CSMD2: variants seen among roughly 807,000 people sequenced by gnomAD.
CSMD2 encodes the protein CUB and sushi domain-containing protein 2.
CSMD2 carries 130 observed loss-of-function variants against 398.5 expected under a neutral mutation model. That is an observed-to-expected ratio of 0.33 (90% CI 0.28 to 0.38). CSMD2 has a LOEUF of 0.38. Ranked by LOEUF, CSMD2 falls within the 10% of genes least tolerant of loss-of-function variation. The pLI, the probability that CSMD2 is intolerant of heterozygous loss-of-function variation, is 1.00. For synonymous variants in CSMD2, 1,828 were observed against 1,908.5 expected (o/e 0.96, Z 1.10); for missense variants, 3,829 against 4,764.9 (o/e 0.80, Z 5.78).
At chr1:33,873,323 TAGGC>T (rs1640608315) in intron 5 of CSMD2, among the ~76,000 whole-genome samples, 2 of 152,206 alleles carry the variant, frequency 1.3e-5, no homozygotes, top group African/African-American at 2.4e-5. Context: ...TAGATTGTGA[TAGGC>T]AGCTTCAGAA....
chr1:33,996,713 T>C (rs1324323544), intron 3 of CSMD2, among the ~76,000 whole-genome samples: 1 of 143,936 alleles, frequency 6.9e-6, no homozygotes, highest in Non-Finnish European at 1.5e-5. Context: ...AATCAACTTA[T>C]AGAAAACTGG....
chr1:34,128,701 G>A lies in CSMD2; in HGVS notation c.187+36210C>T, dbSNP rs1166238721. On this transcript the variant is annotated intron_variant, in intron 1 of 70. Transcript: ENST00000373381. ...TGTCAAGTGCAGACTCATATCCTGG[G>A]TCATCGGGGAGTGAGTAGACCGGCT... Among the ~76,000 whole-genome samples, 5 of 152,178 alleles carry A rather than the reference G, an allele frequency of 3.3e-5. 1 individual carries two copies. Among genetic ancestry groups the A allele is most frequent in the Admixed American group, 1.3e-4 (2 of 15,288 alleles).
chr1:33,974,589 T>C (rs1235429517), intron 3 of CSMD2, among the ~76,000 whole-genome samples: 1 of 152,210 alleles, frequency 6.6e-6, no homozygotes, highest in Non-Finnish European at 1.5e-5. Flanking sequence ...ACCTGCTTGA[T>C]GTCCCAGGGC....
intron 13 of CSMD2, among the ~76,000 whole-genome samples, chr1:33,770,238 C>T (rs1254885588): frequency 6.6e-6 from 1 of 152,190 alleles, no homozygotes; most frequent in African/African-American, 2.4e-5. Context: ...TTGGATAGGT[C>T]AGTACATGAA....
intron 4 of CSMD2, among the ~76,000 whole-genome samples, chr1:33,923,067 A>G (rs1234758346): frequency 6.6e-6 from 1 of 152,072 alleles, no homozygotes; most frequent in Non-Finnish European, 1.5e-5. Flanking sequence ...TGAGAACTTT[A>G]TCTTGGAGCA....
intron 10 of CSMD2, among the ~76,000 whole-genome samples, chr1:33,809,501 A>G (rs977972473): frequency 6.6e-6 from 1 of 152,070 alleles, no homozygotes; most frequent in African/African-American, 2.4e-5. Context: ...TAGGAAGTAA[A>G]TTCCCTAATT....
At chr1:33,702,915 AT>A (rs948821596) in intron 22 of CSMD2, among the ~76,000 whole-genome samples, 1 of 152,184 alleles carries the variant, frequency 6.6e-6, no homozygotes, top group Non-Finnish European at 1.5e-5. Flanking sequence ...TAGATTAGTC[AT>A]TTAACCAAAC....
At chr1:34,142,967 G>A (rs1639443201) in intron 1 of CSMD2, among the ~76,000 whole-genome samples, 2 of 152,154 alleles carry the variant, frequency 1.3e-5, no homozygotes, top group Non-Finnish European at 2.9e-5. Flanking sequence ...GGAAACAGCT[G>A]TAAAAACATG....
At chr1:33,846,091 C>T (rs1661323327) in intron 6 of CSMD2, among the ~76,000 whole-genome samples, 2 of 152,232 alleles carry the variant, frequency 1.3e-5, no homozygotes, top group South Asian at 2.1e-4. Context: ...TTTGAATAAA[C>T]GCAATGTCGA....
intron 1 of CSMD2, among the ~76,000 whole-genome samples, chr1:34,158,404 CCCAAGGAGATAAAT>C (rs1557448580): frequency 6.6e-6 from 1 of 152,172 alleles, no homozygotes; most frequent in Non-Finnish European, 1.5e-5. Context: ...CCATATGCCA[CCCAAGGAGATAAAT>C]CCAGGGAGGG....
chr1:33,707,750 AC>A (rs1645854384), intron 22 of CSMD2, among the ~76,000 whole-genome samples: 1 of 147,726 alleles, frequency 6.8e-6, no homozygotes, highest in Non-Finnish European at 1.5e-5. Context: ...CACACCATAC[AC>A]CCCAGAGGAC....
At chr1:33,938,160 A>AC (rs2125332645) in intron 3 of CSMD2, among the ~76,000 whole-genome samples, 1 of 152,314 alleles carries the variant, frequency 6.6e-6, no homozygotes, top group Non-Finnish European at 1.5e-5. Context: ...CCCATTCTTT[A>AC]CCTGTGCCAA....
intron 2 of CSMD2, among the ~76,000 whole-genome samples, chr1:34,083,254 T>A (rs1044322061): frequency 6.6e-6 from 1 of 152,176 alleles, no homozygotes; most frequent in Non-Finnish European, 1.5e-5. Context: ...ACTCATCTGA[T>A]AGAACCAGAG....
chr1:33,760,152 C>T (rs1649628952), intron 13 of CSMD2, among the ~76,000 whole-genome samples: 1 of 152,202 alleles, frequency 6.6e-6, no homozygotes, highest in Non-Finnish European at 1.5e-5. Context: ...CTGGAATTAC[C>T]CTGTGGCCAT....
chr1:33,616,779 G>T, intron 39 of CSMD2, 127 bp downstream of exon 39: 1 of 699,992 alleles, frequency 1.4e-6, no homozygotes, highest in Non-Finnish European at 2.5e-6. Context: ...TAAAATGACT[G>T]ACTTGGAACA....
intron 9 of CSMD2, among the ~76,000 whole-genome samples, chr1:33,817,621 T>A (rs4387148): frequency 6.6e-6 from 1 of 152,086 alleles, no homozygotes; most frequent in Non-Finnish European, 1.5e-5. Flanking sequence ...GAAGCTTATG[T>A]GGACAGTGCC....
intron 1 of CSMD2, among the ~76,000 whole-genome samples, chr1:34,156,503 C>T (rs1357693851): frequency 6.6e-6 from 1 of 152,186 alleles, no homozygotes; most frequent in Non-Finnish European, 1.5e-5. Context: ...CCGTCACACT[C>T]ACTTACTTTC....
intron 4 of CSMD2, among the ~76,000 whole-genome samples, chr1:33,928,520 T>C (rs1448706761): frequency 1.3e-5 from 2 of 152,218 alleles, no homozygotes; most frequent in Non-Finnish European, 2.9e-5. Context: ...AGTACCATTA[T>C]TATTCCCATT....
intron 12 of CSMD2, among the ~76,000 whole-genome samples, chr1:33,785,395 G>GA (rs36058377): frequency 6.6e-6 from 1 of 152,238 alleles, no homozygotes; most frequent in Admixed American, 6.5e-5. Flanking sequence ...GGTGCAAGGG[G>GA]AAAATCCATG....
Sources: allele counts gnomAD v4.1 joint callset (sites outside exome capture counted in the v4.1 genomes callset), GRCh38; gene constraint gnomAD v4.1.1; transcripts MANE v1.5; gene names NCBI Gene and HGNC (gene_info 2026-07-23, HGNC 2026-07-21).